The following PPP3CA variants were observed in gnomAD, a reference collection of about 807,000 sequenced individuals.
The protein encoded by PPP3CA is protein phosphatase 3 catalytic subunit alpha.
In PPP3CA, 14 loss-of-function variants were observed where a neutral mutation model predicts 66.5. The ratio of observed to expected loss-of-function variants is 0.21; its 90% CI spans 0.14 to 0.33. The LOEUF (loss-of-function observed/expected upper bound fraction) is 0.33. PPP3CA is among the 10% of genes least tolerant of loss of function. The pLI is 1.00. For missense variants in PPP3CA, 317 were observed against 639.5 expected, an observed-to-expected ratio of 0.50 and a Z score of 5.44; for synonymous variants, 232 against 226.2, an observed-to-expected ratio of 1.03 and a Z score of -0.23.
chr4:101,179,323 C>A (rs1724163968), intron 2 of PPP3CA, among the ~76,000 whole-genome samples: 1 of 152,018 alleles, frequency 6.6e-6, no homozygotes, highest in East Asian at 1.9e-4. Context: ...CCTTTGGATA[C>A]CATCCCAAGG....
chr4:101,267,587 G>A (rs974225513), intron 1 of PPP3CA, among the ~76,000 whole-genome samples: 10 of 152,106 alleles, frequency 6.6e-5, no homozygotes, highest in African/African-American at 2.4e-4. Flanking sequence ...GAGGCAGGAG[G>A]GGATAAGCGG....
intron 3 of PPP3CA, among the ~76,000 whole-genome samples, chr4:101,100,583 C>A (rs1283133086): frequency 6.6e-6 from 1 of 152,130 alleles, no homozygotes; most frequent in African/African-American, 2.4e-5. Context: ...ATTAAGTCAA[C>A]TGGAATATTC....
chr4:101,030,868 G>A (rs115471497), intron 12 of PPP3CA, among the ~76,000 whole-genome samples: 1 of 151,992 alleles, frequency 6.6e-6, no homozygotes, highest in African/African-American at 2.4e-5. Context: ...ATTTCAGTCA[G>A]TTAGGTAGAT....
chr4:101,157,703 C>CAAGAGAATGTA (rs1723368262), intron 2 of PPP3CA, among the ~76,000 whole-genome samples: 1 of 152,088 alleles, frequency 6.6e-6, no homozygotes, highest in Admixed American at 6.5e-5. Flanking sequence ...TGAAACCCAT[C>CAAGAGAATGTA]AAGAGAATGT....
chr4:101,221,008 A>G (rs11936232), intron 1 of PPP3CA, among the ~76,000 whole-genome samples: 9,499 of 151,818 alleles, frequency 0.063, 932 homozygotes, highest in African/African-American at 0.21. Context: ...AATTTTTATT[A>G]TCAAAAATTA....
intron 1 of PPP3CA, among the ~76,000 whole-genome samples, chr4:101,227,839 TC>T (rs1043779500): frequency 8.6e-5 from 13 of 151,928 alleles, no homozygotes; most frequent in Admixed American, 7.9e-4. Flanking sequence ...CTGCATTAAT[TC>T]ATTTAGGATA....
intron 2 of PPP3CA, among the ~76,000 whole-genome samples, chr4:101,187,680 T>A (rs1724457143): frequency 6.6e-6 from 1 of 152,140 alleles, no homozygotes; most frequent in Admixed American, 6.6e-5. Context: ...TATCTGAGAA[T>A]CTCTTATTCG....
At chr4:101,206,095 G>GT (rs991536881) in intron 1 of PPP3CA, among the ~76,000 whole-genome samples, 20 of 152,278 alleles carry the variant, frequency 1.3e-4, no homozygotes, top group African/African-American at 4.8e-4. Context: ...TGCTTACACT[G>GT]TTTGCTTCCT....
At chr4:101,040,090 A>G (rs1727441037) in intron 11 of PPP3CA, among the ~76,000 whole-genome samples, 1 of 152,202 alleles carries the variant, frequency 6.6e-6, no homozygotes, top group Admixed American at 6.5e-5. Context: ...TTCATTTCCT[A>G]GAAATCTAGT....
chr4:101,075,151 G>C (rs1003860383), intron 8 of PPP3CA, among the ~76,000 whole-genome samples: 3 of 152,184 alleles, frequency 2.0e-5, no homozygotes, highest in Admixed American at 2.0e-4. Context: ...GCCCTTGACA[G>C]GTGGGGATTA....
intron 1 of PPP3CA, among the ~76,000 whole-genome samples, chr4:101,290,050 G>A (rs1302909405): frequency 6.6e-6 from 1 of 152,136 alleles, no homozygotes. Context: ...TGAAGACTGT[G>A]TGACACCAAC....
At chr4:101,124,721 G>GA (rs1288458732) in intron 2 of PPP3CA, among the ~76,000 whole-genome samples, 1 of 70,574 alleles carries the variant, frequency 1.4e-5, no homozygotes, top group Non-Finnish European at 2.9e-5. Flanking sequence ...AAGAAAGAAA[G>GA]AAAGAGAAAG....
chr4:101,209,189 A>G (rs1181497188), intron 1 of PPP3CA, among the ~76,000 whole-genome samples: 1 of 152,216 alleles, frequency 6.6e-6, no homozygotes, highest in Non-Finnish European at 1.5e-5. Flanking sequence ...AAGTTCAAGA[A>G]TAATCAAAGA....
chr4:101,061,907 T>C (rs1194457659), intron 9 of PPP3CA, among the ~76,000 whole-genome samples: 2 of 152,062 alleles, frequency 1.3e-5, no homozygotes, highest in Non-Finnish European at 2.9e-5. Flanking sequence ...AAGAAGCCTG[T>C]CTACTGCTTC....
At chr4:101,169,851 G>A (rs1723817790) in intron 2 of PPP3CA, among the ~76,000 whole-genome samples, 1 of 152,002 alleles carries the variant, frequency 6.6e-6, no homozygotes, top group Non-Finnish European at 1.5e-5. Flanking sequence ...ATGCTTTTAA[G>A]ACATGTTGGT....
At chr4:101,329,653 G>T (rs764413269) in intron 1 of PPP3CA, among the ~76,000 whole-genome samples, 2 of 152,056 alleles carry the variant, frequency 1.3e-5, no homozygotes, top group Non-Finnish European at 2.9e-5. Context: ...TCTTTTTAGG[G>T]GTTAATGCAG....
Position 101,108,957 on chromosome 4 carries a change from A to C in PPP3CA, c.381T>G (p.Ile127Met). Reference sequence around the variant, plus strand: ...AGAAGACATGATGTAGACTTACTTCAATACTGAAGTACCCTCTGTCAACAT... The same window carrying C: ...AGAAGACATGATGTAGACTTACTTCCATACTGAAGTACCCTCTGTCAACAT... ...GDYVDRGYFS[I>M]ECVLYLWALK... Residue 127 changes from isoleucine to methionine, a missense_variant, in exon 3 of 14, where the codon ATT (isoleucine) becomes ATG (methionine). By Grantham distance (10) the Ile-to-Met change is conservative. Coordinates refer to ENST00000394854, the MANE Select transcript of PPP3CA (RefSeq NM_000944.5). 1 of 1,613,582 alleles carries C rather than the reference A, an allele frequency of 6.2e-7. No individual in the cohort carries two copies. Among genetic ancestry groups the C allele is most frequent in the Non-Finnish European group, 8.5e-7 (1 of 1,179,658 alleles).
chr4:101,125,114 G>T (rs945546629), intron 2 of PPP3CA, among the ~76,000 whole-genome samples: 1 of 152,148 alleles, frequency 6.6e-6, no homozygotes, highest in Non-Finnish European at 1.5e-5. Flanking sequence ...TAGGCAGGGG[G>T]GGTATAAGAT....
chr4:101,183,809 G>T (rs1724319556), intron 2 of PPP3CA, among the ~76,000 whole-genome samples: 2 of 152,196 alleles, frequency 1.3e-5, no homozygotes, highest in South Asian at 4.1e-4. Context: ...CTATTGCACT[G>T]CTTTGCTTTT....
Sources: allele counts gnomAD v4.1 joint callset (sites outside exome capture counted in the v4.1 genomes callset), GRCh38; gene constraint gnomAD v4.1.1; transcripts MANE v1.5; gene names NCBI Gene and HGNC (gene_info 2026-07-23, HGNC 2026-07-21).